Variants in DLGAP4 observed in about 807,000 individuals in gnomAD.
DLGAP4 encodes disks large-associated protein 4.
In DLGAP4, 18 loss-of-function variants were observed where a neutral mutation model predicts 86.9. The ratio of observed to expected loss-of-function variants is 0.21; its 90% CI spans 0.14 to 0.31. DLGAP4 has a LOEUF of 0.31. DLGAP4 is among the 10% of genes least tolerant of loss of function. The pLI, the probability that DLGAP4 is intolerant of heterozygous loss-of-function variation, is 1.00. For synonymous variants in DLGAP4, 548 were observed against 574.3 expected, an observed-to-expected ratio of 0.95 and a Z score of 0.65; for missense variants, 1,085 against 1,362.6, an observed-to-expected ratio of 0.80 and a Z score of 3.21.
chr20:36,374,719 G>A (rs1176979687), intron 2 of DLGAP4, among the ~76,000 whole-genome samples: 1 of 152,224 alleles, frequency 6.6e-6, no homozygotes, highest in East Asian at 1.9e-4. Flanking sequence ...CCCTGAGTCA[G>A]AATTCCTGTC....
intron 1 of DLGAP4, among the ~76,000 whole-genome samples, chr20:36,334,948 G>T (rs1200232399): frequency 6.6e-6 from 1 of 152,050 alleles, no homozygotes; most frequent in Non-Finnish European, 1.5e-5. Context: ...GTGGCAGAAC[G>T]CCAGGTGCCC....
chr20:36,468,145 T>C (rs1434019772), intron 7 of DLGAP4, among the ~76,000 whole-genome samples: 1 of 152,228 alleles, frequency 6.6e-6, no homozygotes, highest in African/African-American at 2.4e-5. Flanking sequence ...TCAGAGGAGC[T>C]AGGGACCCTC....
intron 1 of DLGAP4, among the ~76,000 whole-genome samples, chr20:36,366,804 G>A (rs2030703464): frequency 6.6e-6 from 1 of 152,140 alleles, no homozygotes; most frequent in Non-Finnish European, 1.5e-5. Flanking sequence ...GTGGGTGGTG[G>A]GAAAGGCACT....
intron 1 of DLGAP4, among the ~76,000 whole-genome samples, chr20:36,343,966 GC>G (rs2065410490): frequency 6.6e-6 from 1 of 152,230 alleles, no homozygotes; most frequent in Non-Finnish European, 1.5e-5. Context: ...TGAGGGAGCT[GC>G]CTGCCTGCTG....
intron 7 of DLGAP4, among the ~76,000 whole-genome samples, chr20:36,457,965 G>A (rs895360765): frequency 3.3e-5 from 5 of 152,136 alleles, no homozygotes; most frequent in African/African-American, 1.2e-4. Context: ...GTGGGAATAA[G>A]CAGTGCTGGG....
At chr20:36,330,231 C>A (rs1555891392) in intron 1 of DLGAP4, among the ~76,000 whole-genome samples, 1 of 152,102 alleles carries the variant, frequency 6.6e-6, no homozygotes, top group Admixed American at 6.5e-5. Context: ...GAGTGAGGAG[C>A]CTGATGGGCC....
At chr20:36,455,243 G>A (rs993929884) in intron 7 of DLGAP4, among the ~76,000 whole-genome samples, 1 of 146,822 alleles carries the variant, frequency 6.8e-6, no homozygotes, top group African/African-American at 2.5e-5. Context: ...TTTGCCTTCT[G>A]TCTGTCTCCC....
intron 4 of DLGAP4, among the ~76,000 whole-genome samples, chr20:36,437,248 C>T (rs1010897871): frequency 1.3e-5 from 2 of 152,328 alleles, no homozygotes; most frequent in Non-Finnish European, 2.9e-5. Context: ...GAGCCCCACC[C>T]ACAGTTCAGC....
chr20:36,443,385 G>C (rs2033504164), intron 6 of DLGAP4, among the ~76,000 whole-genome samples: 1 of 152,110 alleles, frequency 6.6e-6, no homozygotes, highest in African/African-American at 2.4e-5. Flanking sequence ...CAAAAACCAG[G>C]GGCAGGAAAG....
chr20:36,487,581 A>G (rs1249732164), intron 7 of DLGAP4, among the ~76,000 whole-genome samples: 3 of 152,134 alleles, frequency 2.0e-5, no homozygotes, highest in African/African-American at 4.8e-5. Context: ...CCCACTCAGC[A>G]TCTGTCCTCC....
intron 10 of DLGAP4, among the ~76,000 whole-genome samples, chr20:36,515,420 T>G (rs1478915908): frequency 6.6e-6 from 1 of 152,232 alleles, no homozygotes; most frequent in Non-Finnish European, 1.5e-5. Flanking sequence ...CTGTCCTTAT[T>G]AATCATGTCT....
intron 1 of DLGAP4, among the ~76,000 whole-genome samples, chr20:36,320,013 T>C (rs1433705844): frequency 3.6e-4 from 38 of 106,242 alleles, no homozygotes; most frequent in South Asian, 6.5e-4. Context: ...CCTCCAGGCC[T>C]CCCTCTGTGT....
chr20:36,448,524 G>A lies in DLGAP4; in HGVS notation c.1648+1587G>A, dbSNP rs1358395385. Among the ~76,000 whole-genome samples the A allele has an allele frequency of 2.0e-5, 3 of 152,242 alleles. No homozygotes were observed. The East Asian group carries it at 5.8e-4, about 29-fold the overall frequency. On this transcript the variant is annotated intron_variant, in intron 7 of 12. Coordinates refer to ENST00000339266, the MANE Select transcript of DLGAP4 (RefSeq NM_001365621.2). ...GACTCCAGGGATCTCTTAGGGAGATGAAACAAGACTGTGCATAGGACATGT... is the reference window on the plus strand; with the variant it reads ...GACTCCAGGGATCTCTTAGGGAGATAAAACAAGACTGTGCATAGGACATGT...
intron 1 of DLGAP4, among the ~76,000 whole-genome samples, chr20:36,355,519 A>G (rs1409387450): frequency 6.6e-6 from 1 of 150,680 alleles, no homozygotes; most frequent in Admixed American, 6.6e-5. Flanking sequence ...CTGGTCTTAA[A>G]CTCCTAGGCT....
At chr20:36,519,663 C>G (rs1052269474) in intron 10 of DLGAP4, among the ~76,000 whole-genome samples, 2 of 152,184 alleles carry the variant, frequency 1.3e-5, no homozygotes, top group African/African-American at 4.8e-5. Context: ...TCTGAGGAAC[C>G]ACCCAACTAT....
At chr20:36,406,124 C>A (rs952638679) in intron 2 of DLGAP4, among the ~76,000 whole-genome samples, 1 of 152,114 alleles carries the variant, frequency 6.6e-6, no homozygotes, top group Non-Finnish European at 1.5e-5. Context: ...GAAGGCCGGG[C>A]GCGGTGGCTC....
chr20:36,470,382 C>T (rs924735008), intron 7 of DLGAP4, among the ~76,000 whole-genome samples: 2 of 152,180 alleles, frequency 1.3e-5, no homozygotes, highest in Admixed American at 6.5e-5. Context: ...AGACCAGCAG[C>T]CCTTGAGGAG....
intron 7 of DLGAP4, among the ~76,000 whole-genome samples, chr20:36,449,412 C>G: frequency 6.6e-6 from 1 of 152,332 alleles, no homozygotes; most frequent in East Asian, 1.9e-4. Flanking sequence ...GACTGGTCTG[C>G]TACAGCCTCC....
intron 2 of DLGAP4, among the ~76,000 whole-genome samples, chr20:36,378,753 G>A (rs531275823): frequency 1.9e-4 from 29 of 152,200 alleles, no homozygotes; most frequent in African/African-American, 7.0e-4. Context: ...CTCTCTGCAG[G>A]CCTGGCTGGA....
Sources: gnomAD v4.1 joint callset for allele counts (sites outside exome capture counted in the v4.1 genomes callset) on GRCh38, gnomAD v4.1.1 for gene constraint, MANE v1.5 for transcripts, NCBI Gene and HGNC (gene_info 2026-07-23, HGNC 2026-07-21) for gene names.